Variants in LPP observed in about 807,000 individuals in gnomAD.
LPP encodes the protein LIM domain containing preferred translocation partner in lipoma, also known as lipoma-preferred partner.
Under a neutral mutation model 60.4 loss-of-function variants are expected in LPP, and 38 were observed. The ratio of observed to expected loss-of-function variants is 0.63; its 90% CI spans 0.49 to 0.83. The LOEUF (loss-of-function observed/expected upper bound fraction) is 0.83. Ranked by LOEUF, LPP falls within the 40% of genes least tolerant of loss-of-function variation. LPP has a pLI of 0.00. For synonymous variants in LPP, 328 were observed against 290.8 expected (o/e 1.13, Z -1.30); for missense variants, 902 against 783.6 (o/e 1.15, Z -1.80).
rs58875936 is a variant in LPP, at chr3:188,663,298, C to G, written c.1114-44969C>G. Among the ~76,000 whole-genome samples the G allele has an allele frequency of 8.6e-3, 1,307 of 152,248 alleles. 23 individuals carry two copies. The highest frequency in any genetic ancestry group is 0.03 in the African/African-American group (1,259 of 41,534). ...TACAGCTTTGTATTTCCCTTAATTG[C>G]ATATACAGACTCAAGAAAGGGATGG... is the stretch of plus-strand genomic sequence containing the variant. On this transcript the variant is annotated intron_variant, in intron 7 of 11. Transcript: ENST00000617246.
At chr3:188,872,170 G>A (rs1459303222) in intron 10 of LPP, among the ~76,000 whole-genome samples, 3 of 152,056 alleles carry the variant, frequency 2.0e-5, no homozygotes, top group Non-Finnish European at 2.9e-5. Context: ...AGAAGTCAAG[G>A]CAAATTTCCA....
In LPP at chr3:188,626,512, T is replaced by C. The variant is rs191379161; in HGVS notation, c.1113+16668T>C. ...GTGACATAAACTACAGATTTTTTTT[T>C]CCTCACAATTCTAGAGGCTAGAAGT... On this transcript the variant is annotated intron_variant, in intron 7 of 11. Coordinates refer to ENST00000617246, the MANE Select transcript of LPP (RefSeq NM_001375462.1). Among the ~76,000 whole-genome samples the C allele has an allele frequency of 2.4e-3, 358 of 152,202 alleles. 1 individual carries two copies. Among genetic ancestry groups the C allele is most frequent in the African/African-American group, 8.5e-3 (351 of 41,538 alleles).
At chr3:188,258,474 C>T (rs1220376125) in intron 2 of LPP, among the ~76,000 whole-genome samples, 1 of 152,214 alleles carries the variant, frequency 6.6e-6, no homozygotes, top group Non-Finnish European at 1.5e-5. Flanking sequence ...AGGGACACGC[C>T]ACTACGCCTG....
At chr3:188,470,529 C>G (rs919603725) in intron 4 of LPP, among the ~76,000 whole-genome samples, 12 of 152,112 alleles carry the variant, frequency 7.9e-5, no homozygotes, top group Admixed American at 2.0e-4. Flanking sequence ...AGACTGATGA[C>G]TCATATATGA....
In LPP at chr3:188,881,022, C is replaced by G. The variant is rs1473610697; in HGVS notation, c.*6543C>G. The G allele has an allele frequency of 1.2e-5, 2 of 162,224 alleles. No individual in the cohort carries two copies. The highest frequency in any genetic ancestry group is 2.4e-5 in the African/African-American group (1 of 41,542). The allele number at this position is 162,224 out of a possible 1,614,324, so 10.0% of individuals were successfully genotyped here. ...TGGCTCAGTGGCGGGCGCCTGTAGT[C>G]CCAGCTACTCAGGAGGCTGAGGCAG... On this transcript the variant is annotated 3_prime_UTR_variant, in exon 12 of 12. Coordinates refer to ENST00000617246, the MANE Select transcript of LPP (RefSeq NM_001375462.1).
intron 9 of LPP, among the ~76,000 whole-genome samples, chr3:188,863,252 C>T (rs1211631454): frequency 2.0e-5 from 3 of 152,260 alleles, no homozygotes; most frequent in East Asian, 1.9e-4. Context: ...AAACTGAGAT[C>T]GAAGGAATAA....
At chr3:188,586,149 T>G (rs1476302534) in intron 6 of LPP, among the ~76,000 whole-genome samples, 1 of 152,248 alleles carries the variant, frequency 6.6e-6, no homozygotes, top group Non-Finnish European at 1.5e-5. Flanking sequence ...AATATTCTTT[T>G]GTTGTTTTTA....
intron 4 of LPP, among the ~76,000 whole-genome samples, chr3:188,472,031 A>G (rs1046168898): frequency 2.0e-5 from 3 of 152,204 alleles, no homozygotes; most frequent in Non-Finnish European, 4.4e-5. Context: ...GAGAGAGACT[A>G]ATTCACCATC....
At chr3:188,346,688 G>T (rs1271410457) in intron 3 of LPP, among the ~76,000 whole-genome samples, 1 of 152,210 alleles carries the variant, frequency 6.6e-6, no homozygotes, top group African/African-American at 2.4e-5. Context: ...TTATGAAATA[G>T]TTGGAAAATG....
In LPP at chr3:188,796,416, C is replaced by A. The variant is rs143156284; in HGVS notation, c.1410+36134C>A. Among the ~76,000 whole-genome samples the A allele has an allele frequency of 2.3e-3, 356 of 152,252 alleles. 2 individuals are homozygous for A. The highest frequency in any genetic ancestry group is 8.4e-3 in the African/African-American group (347 of 41,544). Reference sequence around the variant, plus strand: ...TTCCCAAAAGTACAGGAAAGCCTAGCCATTTTATTATTTTATACCACCCAT... The same window carrying A: ...TTCCCAAAAGTACAGGAAAGCCTAGACATTTTATTATTTTATACCACCCAT... On this transcript the variant is annotated intron_variant, in intron 9 of 11. Transcript: ENST00000617246.
intron 9 of LPP, among the ~76,000 whole-genome samples, chr3:188,851,011 A>G (rs922874871): frequency 2.0e-5 from 3 of 152,240 alleles, no homozygotes; most frequent in African/African-American, 7.2e-5. Context: ...GGACAGAAGT[A>G]GGGCCAATGG....
At chr3:188,679,796 A>C (rs11710948) in intron 7 of LPP, among the ~76,000 whole-genome samples, 23,185 of 152,088 alleles carry the variant, frequency 0.15, 1,890 homozygotes, top group Middle Eastern at 0.19. Context: ...GGGCTATTCT[A>C]AGCATTTGAA....
At chr3:188,642,369 A>T (rs999406606) in intron 7 of LPP, among the ~76,000 whole-genome samples, 1 of 152,236 alleles carries the variant, frequency 6.6e-6, no homozygotes, top group African/African-American at 2.4e-5. Context: ...AGATGGAGCT[A>T]AATATTCTTC....
intron 3 of LPP, among the ~76,000 whole-genome samples, chr3:188,358,766 A>C (rs1768346410): frequency 6.6e-6 from 1 of 152,214 alleles, no homozygotes; most frequent in Admixed American, 6.5e-5. Context: ...CAAGCGTTCC[A>C]AAAGCATATT....
Position 188,523,196 on chromosome 3 carries a change from C to T in LPP, c.307-1469C>T, listed in dbSNP as rs73054767. Among the ~76,000 whole-genome samples the T allele has an allele frequency of 4.9e-3, 751 of 152,162 alleles. 10 individuals are homozygous for T. Among genetic ancestry groups the T allele is most frequent in the African/African-American group, 0.017 (710 of 41,514 alleles). ...TGCTGAGATTACAGGCATGAGCCAC[C>T]GCGCCCGTCCTGAAATCCATGTTTA... On this transcript the variant is annotated intron_variant, in intron 5 of 11. Coordinates refer to ENST00000617246, the MANE Select transcript of LPP (RefSeq NM_001375462.1).
chr3:188,401,319 T>G lies in LPP; in HGVS notation c.-9-4793T>G, dbSNP rs371058898. On this transcript the variant is annotated intron_variant, in intron 3 of 11. Transcript: ENST00000617246. Reference sequence around the variant, plus strand: ...CTTTCCCCTAACTGTTCTCCCTGAATCCCTCATTTTGGTGCCGCTGGTCTG... The same window carrying G: ...CTTTCCCCTAACTGTTCTCCCTGAAGCCCTCATTTTGGTGCCGCTGGTCTG... Among the ~76,000 whole-genome samples the G allele has an allele frequency of 1.6e-4, 25 of 152,292 alleles. No homozygotes were observed. In the East Asian group the frequency reaches 4.6e-3, roughly 28 times the overall value.
intron 2 of LPP, among the ~76,000 whole-genome samples, chr3:188,280,155 G>A (rs1741411535): frequency 6.6e-6 from 1 of 152,138 alleles, no homozygotes; most frequent in Admixed American, 6.5e-5. Context: ...AGTGGGATTC[G>A]AATGGGCTCT....
intron 8 of LPP, among the ~76,000 whole-genome samples, chr3:188,719,365 T>C (rs544610892): frequency 6.6e-6 from 1 of 152,288 alleles, no homozygotes; most frequent in East Asian, 1.9e-4. Context: ...TGAAAGATTG[T>C]CCGTTTAAAG....
At chr3:188,348,183 AT>A (rs2150757310) in intron 3 of LPP, among the ~76,000 whole-genome samples, 1 of 149,904 alleles carries the variant, frequency 6.7e-6, no homozygotes, top group South Asian at 2.1e-4. Flanking sequence ...TTTTGCTCTT[AT>A]TGCTCAGGCT....
Sources: gnomAD v4.1 joint callset for allele counts (sites outside exome capture counted in the v4.1 genomes callset) on GRCh38, gnomAD v4.1.1 for gene constraint, MANE v1.5 for transcripts, NCBI Gene and HGNC (gene_info 2026-07-23, HGNC 2026-07-21) for gene names.